The following SND1 variants were observed in gnomAD, a reference collection of about 807,000 sequenced individuals.
SND1 encodes staphylococcal nuclease domain-containing protein 1.
Under a neutral mutation model 121.7 loss-of-function variants are expected in SND1, and 38 were observed. That is an observed-to-expected ratio of 0.31 (90% CI 0.24 to 0.41). SND1 has a LOEUF of 0.41. SND1 is among the 10% of genes least tolerant of loss of function. SND1 has a pLI of 1.00. For synonymous variants in SND1, 401 were observed against 447.4 expected (o/e 0.90, Z 1.31); for missense variants, 868 against 1,184.6 (o/e 0.73, Z 3.92).
intron 9 of SND1, among the ~76,000 whole-genome samples, chr7:127,713,565 C>T (rs919595716): frequency 1.3e-4 from 20 of 152,142 alleles, no homozygotes; most frequent in Non-Finnish European, 2.4e-4. Context: ...AACAATCACC[C>T]TGTTTTTTAG....
At chr7:127,893,536 G>A (rs1347584000) in intron 13 of SND1, among the ~76,000 whole-genome samples, 1 of 152,086 alleles carries the variant, frequency 6.6e-6, no homozygotes, top group African/African-American at 2.4e-5. Context: ...AAGATCGGAT[G>A]TATATATTCA....
intron 16 of SND1, among the ~76,000 whole-genome samples, chr7:128,043,446 C>T (rs556151532): frequency 1.3e-5 from 2 of 152,056 alleles, no homozygotes; most frequent in East Asian, 3.9e-4. Flanking sequence ...TAGTGGCATG[C>T]ACCTGTAATC....
chr7:127,844,382 C>T lies in SND1; in HGVS notation c.1301C>T (p.Ala434Val). 6.2e-7 allele frequency: 1 copy of T among 1,613,610 alleles called. No individual in the cohort carries two copies. Among genetic ancestry groups the T allele is most frequent in the South Asian group, 1.1e-5 (1 of 91,012 alleles). Reference sequence around the variant, plus strand: ...AGCCCAGCCACAGAGACAGTGCCTGCCTTTTCAGAGCGTACCTGTGCCACT... The same window carrying T: ...AGCCCAGCCACAGAGACAGTGCCTGTCTTTTCAGAGCGTACCTGTGCCACT... ...PASPATETVP[A>V]FSERTCATVT... The change falls in exon 12 of 24, where the codon GCC becomes GTC. Residue 434 changes from alanine (A) to valine (V), a missense_variant. Ala to Val is a moderately conservative substitution (Grantham distance 64). Around this residue, in one of 2 missense-constraint regions of SND1, gnomAD observed 743 missense variants for 1,071.3 expected, o/e 0.69. Coordinates refer to ENST00000354725, the MANE Select transcript of SND1 (RefSeq NM_014390.4).
At chr7:127,674,073 C>T (rs1795573905) in intron 1 of SND1, among the ~76,000 whole-genome samples, 2 of 151,160 alleles carry the variant, frequency 1.3e-5, no homozygotes, top group Non-Finnish European at 3.0e-5. Flanking sequence ...TCTCTGTCTT[C>T]CTGTCTTCCT....
At chr7:127,979,808 T>A (rs568105795) in intron 15 of SND1, among the ~76,000 whole-genome samples, 1 of 152,244 alleles carries the variant, frequency 6.6e-6, no homozygotes, top group Non-Finnish European at 1.5e-5. Context: ...AATATTCTTC[T>A]TCTGATTTTT....
chr7:127,983,270 C>T (rs1238713308), intron 15 of SND1, among the ~76,000 whole-genome samples: 3 of 152,148 alleles, frequency 2.0e-5, no homozygotes, highest in Non-Finnish European at 4.4e-5. Flanking sequence ...GTAGCTGCAG[C>T]AGCAGGTACT....
chr7:127,654,609 A>G (rs1465919520), intron 1 of SND1, among the ~76,000 whole-genome samples: 1 of 152,222 alleles, frequency 6.6e-6, no homozygotes, highest in African/African-American at 2.4e-5. Context: ...GGGAGCTGCT[A>G]TTATGGTAAA....
chr7:127,744,857 A>G (rs1796949280), intron 10 of SND1, among the ~76,000 whole-genome samples: 1 of 152,232 alleles, frequency 6.6e-6, no homozygotes, highest in South Asian at 2.1e-4. Context: ...CTGAATGTTT[A>G]GATTGCTGCT....
intron 12 of SND1, among the ~76,000 whole-genome samples, chr7:127,870,545 T>G (rs1231010748): frequency 1.3e-5 from 2 of 152,206 alleles, no homozygotes; most frequent in African/African-American, 4.8e-5. Context: ...TACTAAAAAC[T>G]GTACATCATG....
intron 2 of SND1, chr7:127,694,569 G>A (rs1795975509): frequency 9.6e-6 from 4 of 417,288 alleles, no homozygotes; most frequent in Non-Finnish European, 1.3e-5. Flanking sequence ...AAGTCCTGCT[G>A]CCAGTGTCTG....
At chr7:127,833,093 C>A (rs1407280906) in intron 11 of SND1, among the ~76,000 whole-genome samples, 1 of 151,904 alleles carries the variant, frequency 6.6e-6, no homozygotes, top group Non-Finnish European at 1.5e-5. Flanking sequence ...AAGAAAATAG[C>A]CAAGTGTATT....
At chr7:128,028,899 G>A in intron 16 of SND1, 2 of 1,613,718 alleles carry the variant, frequency 1.2e-6, no homozygotes, top group Non-Finnish European at 1.7e-6. Flanking sequence ...TGTTGCTGCT[G>A]CGGATGTTGC....
chr7:128,082,168 G>A (rs563680147), intron 18 of SND1, among the ~76,000 whole-genome samples: 10 of 152,300 alleles, frequency 6.6e-5, no homozygotes, highest in South Asian at 2.1e-4. Context: ...CCGCTAGCCC[G>A]ACTACACCTC....
intron 12 of SND1, among the ~76,000 whole-genome samples, chr7:127,882,289 G>A (rs1011151029): frequency 7.3e-5 from 11 of 150,264 alleles, no homozygotes; most frequent in Admixed American, 1.3e-4. Context: ...AGCAATTAAG[G>A]CAGATCAAAG....
At chr7:127,933,893 C>G (rs571533640) in intron 15 of SND1, among the ~76,000 whole-genome samples, 1 of 152,212 alleles carries the variant, frequency 6.6e-6, no homozygotes. Context: ...GCTTTTCCCT[C>G]TGAGACTTTG....
chr7:127,820,197 T>G (rs1231648484), intron 11 of SND1, among the ~76,000 whole-genome samples: 2 of 152,222 alleles, frequency 1.3e-5, no homozygotes, highest in African/African-American at 4.8e-5. Flanking sequence ...TTCTAAGATG[T>G]GTGGTTCCCA....
In SND1 at chr7:128,060,120, T is replaced by C. The variant is rs181150696; in HGVS notation, c.1780-14382T>C. Among the ~76,000 whole-genome samples the C allele has an allele frequency of 8.9e-4, 136 of 152,364 alleles. 1 individual carries two copies. Among genetic ancestry groups the C allele is most frequent in the Middle Eastern group, 3.4e-3 (1 of 294 alleles). ...CAAGCAGTTGCAGCTATTTTCATTATGTACTCCTTGATAACACATTCCTGA... is the reference window on the plus strand; with the variant it reads ...CAAGCAGTTGCAGCTATTTTCATTACGTACTCCTTGATAACACATTCCTGA... On this transcript the variant is annotated intron_variant, in intron 16 of 23. Transcript: ENST00000354725.
chr7:127,659,221 A>G (rs908786893), intron 1 of SND1, among the ~76,000 whole-genome samples: 1 of 152,234 alleles, frequency 6.6e-6, no homozygotes, highest in African/African-American at 2.4e-5. Flanking sequence ...ATTTATGTGG[A>G]ATCACAGGTT....
intron 13 of SND1, among the ~76,000 whole-genome samples, chr7:127,898,485 C>T (rs1800162561): frequency 6.6e-6 from 1 of 152,082 alleles, no homozygotes; most frequent in South Asian, 2.1e-4. Context: ...TCCTCCAGCT[C>T]CCAAGTAACC....
Sources: gnomAD v4.1 joint callset for allele counts (sites outside exome capture counted in the v4.1 genomes callset) on GRCh38, gnomAD v4.1.1 for gene constraint, gnomAD v4.1.1 regional missense constraint, MANE v1.5 for transcripts, NCBI Gene and HGNC (gene_info 2026-07-23, HGNC 2026-07-21) for gene names.